GPR89A: variants seen among roughly 807,000 people sequenced by gnomAD.
GPR89A encodes golgi pH regulator A.
In GPR89A, 16 loss-of-function variants were observed where a neutral mutation model predicts 52.0. The ratio of observed to expected loss-of-function variants is 0.31; its 90% CI spans 0.21 to 0.47. GPR89A has a LOEUF of 0.47. GPR89A is among the 20% of genes least tolerant of loss of function. The pLI is 1.00. For synonymous variants in GPR89A, 55 were observed against 150.9 expected (o/e 0.36, Z 4.66); for missense variants, 135 against 449.4 (o/e 0.30, Z 6.33).
chr1:145,655,679 G>A (rs1651761742), intron 10 of GPR89A, among the ~76,000 whole-genome samples: 1 of 152,164 alleles, frequency 6.6e-6, no homozygotes, highest in Admixed American at 6.5e-5. Flanking sequence ...TCCGTCCTCT[G>A]GGAGGAAGCA....
intron 3 of GPR89A, among the ~76,000 whole-genome samples, chr1:145,621,721 C>A (rs1649151827): frequency 1.3e-5 from 2 of 151,900 alleles, no homozygotes; most frequent in Non-Finnish European, 2.9e-5. Flanking sequence ...ATAAAGAATT[C>A]TTATAGTTTA....
rs1344182675 is a variant in GPR89A at position 145,646,265 on chromosome 1, C to T, written c.809C>T (p.Ala270Val). The T allele has an allele frequency of 1.2e-6, 2 of 1,606,044 alleles. No homozygotes were observed. The highest frequency in any genetic ancestry group is 1.7e-6 in the Non-Finnish European group (2 of 1,174,040). Residue 270 changes from alanine to valine, a missense_variant, in exon 9 of 14, where the codon GCT (alanine) becomes GTT (valine). Transcript: ENST00000313835. The stretch of plus-strand genomic sequence containing the variant: ...TTTCTGGAAACAGCTGATCTATATG[C>T]TACCAAGGTACAGAGCAAGGAAACT... ...QLFLETADLYATKERIEYSKT... is the reference protein window; with the variant it reads ...QLFLETADLYVTKERIEYSKT...
chr1:145,621,718 ATTC>A (rs1649151652), intron 3 of GPR89A, among the ~76,000 whole-genome samples: 1 of 152,114 alleles, frequency 6.6e-6, no homozygotes, highest in Admixed American at 6.6e-5. Flanking sequence ...TATATAAAGA[ATTC>A]TTATAGTTTA....
intron 7 of GPR89A, among the ~76,000 whole-genome samples, chr1:145,639,013 T>C (rs1553691271): frequency 1.3e-5 from 2 of 150,412 alleles, no homozygotes; most frequent in East Asian, 1.9e-4. Flanking sequence ...AACGGACATA[T>C]GAACATCAAA....
At chr1:145,622,849 A>T (rs1649231295) in intron 3 of GPR89A, among the ~76,000 whole-genome samples, 1 of 151,886 alleles carries the variant, frequency 6.6e-6, no homozygotes, top group African/African-American at 2.4e-5. Context: ...AATTCTTAAG[A>T]TGTTAAGATG....
At chr1:145,669,499 A>C in intron 12 of GPR89A, 126 bp from the exon 13 acceptor site, 1 of 712,150 alleles carries the variant, frequency 1.4e-6, no homozygotes, top group East Asian at 2.5e-5. Context: ...TAATCATATG[A>C]ATTGTTCTAT....
chr1:145,635,322 T>C (rs1553690544), intron 7 of GPR89A, among the ~76,000 whole-genome samples: 2 of 151,576 alleles, frequency 1.3e-5, no homozygotes, highest in African/African-American at 2.4e-5. Flanking sequence ...AGGAGAATGG[T>C]GTGAACCCAG....
intron 10 of GPR89A, among the ~76,000 whole-genome samples, chr1:145,648,558 C>T (rs1180005333): frequency 1.3e-5 from 2 of 150,804 alleles, no homozygotes; most frequent in Non-Finnish European, 2.9e-5. Flanking sequence ...CGGCTCACTG[C>T]AACCTCTGCC....
Position 145,608,053 on chromosome 1 carries a change from G to C in GPR89A, c.-81G>C, listed in dbSNP as rs1479060427. 5 of 1,557,712 alleles carry C rather than the reference G, an allele frequency of 3.2e-6. No homozygotes were observed. In the South Asian group the frequency reaches 3.4e-5, roughly 10 times the overall value. ...TGCAGCACCTGGGAGAAGGCAGACC[G>C]TGTGAGGGGGCCTGTGGCCCCAGCG... On this transcript the variant is annotated 5_prime_UTR_variant, in exon 1 of 14. Coordinates refer to ENST00000313835, the MANE Select transcript of GPR89A (RefSeq NM_001097612.2).
In GPR89A at chr1:145,623,723, A is replaced by G. The variant is rs200077146; in HGVS notation, c.415+9A>G. On this transcript the variant is annotated intron_variant, in intron 5 of 13. Coordinates refer to ENST00000313835, the MANE Select transcript of GPR89A (RefSeq NM_001097612.2). ...TCTCAGCCCAAAACATGGTGAGTAT[A>G]TATAGGAGGGCAGAGGAAGTGGGGG... is the stretch of plus-strand genomic sequence containing the variant. 1.6e-5 allele frequency: 25 copies of G among 1,592,806 alleles called. No individual in the cohort carries two copies. The highest frequency in any genetic ancestry group is 5.8e-5 in the South Asian group (5 of 85,506).
At chr1:145,655,276 G>A (rs1252854782) in intron 10 of GPR89A, among the ~76,000 whole-genome samples, 1 of 152,132 alleles carries the variant, frequency 6.6e-6, no homozygotes, top group Non-Finnish European at 1.5e-5. Flanking sequence ...TTACTGCCCA[G>A]CTTCTAAAGC....
intron 7 of GPR89A, among the ~76,000 whole-genome samples, chr1:145,634,239 C>T (rs1650067455): frequency 1.3e-5 from 2 of 151,910 alleles, no homozygotes; most frequent in South Asian, 4.2e-4. Flanking sequence ...ACCACCACAC[C>T]CAGCTTATTT....
intron 10 of GPR89A, among the ~76,000 whole-genome samples, chr1:145,661,977 T>C (rs1652234197): frequency 6.6e-6 from 1 of 152,168 alleles, no homozygotes; most frequent in African/African-American, 2.4e-5. Flanking sequence ...TTTAATTTCA[T>C]GTGGTCTAAG....
intron 1 of GPR89A, among the ~76,000 whole-genome samples, chr1:145,610,938 G>A (rs587775963): frequency 9.2e-5 from 14 of 151,860 alleles, no homozygotes; most frequent in South Asian, 2.1e-4. Flanking sequence ...CCTCTATACC[G>A]TCATAAGACT....
At chr1:145,659,894 C>T (rs1269014280) in intron 10 of GPR89A, among the ~76,000 whole-genome samples, 3 of 148,104 alleles carry the variant, frequency 2.0e-5, no homozygotes, top group Non-Finnish European at 4.4e-5. Context: ...TTGATTCTTC[C>T]TACCATGAGC....
chr1:145,646,303 T>C (rs782029236), intron 9 of GPR89A, 31 bp downstream of exon 9: 176 of 1,543,978 alleles, frequency 1.1e-4, no homozygotes, highest in Admixed American at 2.0e-4. Flanking sequence ...AGTGTGGTTT[T>C]TACCAATATT....
At chr1:145,613,978 G>T (rs1648486831) in intron 1 of GPR89A, among the ~76,000 whole-genome samples, 1 of 152,030 alleles carries the variant, frequency 6.6e-6, no homozygotes, top group African/African-American at 2.4e-5. Flanking sequence ...GTAGAGATGG[G>T]GTTTCACCAC....
At chr1:145,633,956 G>A (rs1198193564) in intron 7 of GPR89A, among the ~76,000 whole-genome samples, 4 of 151,586 alleles carry the variant, frequency 2.6e-5, no homozygotes, top group African/African-American at 9.7e-5. Context: ...GAAAGACCTG[G>A]ACACTGAAAA....
At position 145,616,343 on chromosome 1, in the gene GPR89A, A is replaced by G. The variant is rs782813660; in HGVS notation, c.102+50A>G. On this transcript the variant is annotated intron_variant, in intron 2 of 13. Transcript: ENST00000313835. The stretch of plus-strand genomic sequence containing the variant: ...CTTACACTATATGATTTAGATTGAC[A>G]AGAAAAATGTCTCCATTAAAGAAAC... 41 of 1,477,058 alleles carry G rather than the reference A, an allele frequency of 2.8e-5. No individual in the cohort carries two copies. The East Asian group carries it at 8.2e-4, about 29-fold the overall frequency. 91.5% of individuals were successfully genotyped at this position (1,477,058 alleles called of 1,614,324 possible). A position where few individuals can be genotyped will look rare whatever the true frequency, so the allele number is the denominator to read the frequency against.
Sources: allele counts gnomAD v4.1 joint callset (sites outside exome capture counted in the v4.1 genomes callset), GRCh38; gene constraint gnomAD v4.1.1; transcripts MANE v1.5; gene names NCBI Gene and HGNC (gene_info 2026-07-23, HGNC 2026-07-21).